SCFD2: variants seen among roughly 807,000 people sequenced by gnomAD.
SCFD2 encodes sec1 family domain-containing protein 2.
SCFD2 carries 54 observed loss-of-function variants against 58.9 expected under a neutral mutation model. The ratio of observed to expected loss-of-function variants is 0.92; its 90% CI spans 0.74 to 1.15. The LOEUF is 1.15. Ranked by LOEUF, SCFD2 falls within the 50% of genes most tolerant of loss-of-function variation. The pLI is 0.00. For missense variants in SCFD2, 805 were observed against 836.6 expected, an observed-to-expected ratio of 0.96 and a Z score of 0.47; for synonymous variants, 321 against 335.9, an observed-to-expected ratio of 0.96 and a Z score of 0.49.
chr4:53,114,376 C>T (rs1345269754), intron 5 of SCFD2, among the ~76,000 whole-genome samples: 1 of 152,102 alleles, frequency 6.6e-6, no homozygotes, highest in African/African-American at 2.4e-5. Flanking sequence ...TTCGCCCCCA[C>T]TGAATGCAAG....
intron 4 of SCFD2, among the ~76,000 whole-genome samples, chr4:53,153,147 T>A (rs987530853): frequency 6.6e-6 from 1 of 152,120 alleles, no homozygotes; most frequent in African/African-American, 2.4e-5. Flanking sequence ...ATCTTGAGAG[T>A]GTCCCAGTGT....
Position 53,287,525 on chromosome 4 carries a change from G to T in SCFD2, c.1136-13524C>A, listed in dbSNP as rs183092555. On this transcript the variant is annotated intron_variant, in intron 3 of 8. Transcript: ENST00000401642. ...GAAGCTACACAGAGAGTCTGTACCC[G>T]CCCAGAACCAGAGTCAATGCACCCT... Among the ~76,000 whole-genome samples the T allele has an allele frequency of 2.6e-5, 4 of 152,042 alleles. No individual in the cohort carries two copies. The East Asian group carries it at 7.7e-4, about 29-fold the overall frequency.
At chr4:52,987,077 T>C (rs1441934961) in intron 5 of SCFD2, among the ~76,000 whole-genome samples, 1 of 152,190 alleles carries the variant, frequency 6.6e-6, no homozygotes, top group Non-Finnish European at 1.5e-5. Flanking sequence ...TCGCCCAGGC[T>C]GGAGTGCAGT....
intron 5 of SCFD2, among the ~76,000 whole-genome samples, chr4:52,990,285 G>C (rs746943473): frequency 6.6e-6 from 1 of 152,112 alleles, no homozygotes; most frequent in Non-Finnish European, 1.5e-5. Context: ...AATATATAAG[G>C]CTCTGAATGA....
chr4:53,269,983 G>A (rs1162825820), intron 4 of SCFD2, among the ~76,000 whole-genome samples: 6 of 152,086 alleles, frequency 3.9e-5, no homozygotes, highest in Admixed American at 6.6e-5. Flanking sequence ...CTGAGATCAC[G>A]CCACTGCACT....
At chr4:53,313,980 A>G (rs535803776) in intron 2 of SCFD2, among the ~76,000 whole-genome samples, 59 of 152,336 alleles carry the variant, frequency 3.9e-4, no homozygotes, top group South Asian at 1.5e-3. Context: ...AGTGAAAAAA[A>G]GGGAAGAAAA....
intron 2 of SCFD2, among the ~76,000 whole-genome samples, chr4:53,344,561 G>C (rs1400222281): frequency 6.6e-6 from 1 of 151,666 alleles, no homozygotes; most frequent in Non-Finnish European, 1.5e-5. Flanking sequence ...TCCCCATCAA[G>C]CTACCAATGA....
intron 6 of SCFD2, among the ~76,000 whole-genome samples, chr4:52,909,451 C>G (rs1165102488): frequency 6.6e-6 from 1 of 152,086 alleles, no homozygotes; most frequent in East Asian, 1.9e-4. Flanking sequence ...GATGGGTTAG[C>G]ATTTGTGTAA....
intron 5 of SCFD2, among the ~76,000 whole-genome samples, chr4:52,982,614 C>T (rs1359980012): frequency 1.3e-5 from 2 of 152,112 alleles, no homozygotes; most frequent in South Asian, 2.1e-4. Flanking sequence ...GTTATTTATC[C>T]AATCTCTAAA....
At chr4:52,889,493 C>G (rs1210467788) in intron 7 of SCFD2, among the ~76,000 whole-genome samples, 1 of 152,216 alleles carries the variant, frequency 6.6e-6, no homozygotes, top group Non-Finnish European at 1.5e-5. Context: ...AAAGTTCGAA[C>G]TCTGTATTTC....
At chr4:53,303,100 T>G (rs181941439) in intron 3 of SCFD2, among the ~76,000 whole-genome samples, 240 of 152,206 alleles carry the variant, frequency 1.6e-3, no homozygotes, top group South Asian at 2.9e-3. Flanking sequence ...AATAGACAAA[T>G]GGAATCTACT....
chr4:53,308,478 C>G (rs1204038566), intron 3 of SCFD2, among the ~76,000 whole-genome samples: 1 of 152,124 alleles, frequency 6.6e-6, no homozygotes, highest in Non-Finnish European at 1.5e-5. Flanking sequence ...CACTCTTTCT[C>G]CTCCCATCCC....
intron 5 of SCFD2, chr4:52,948,183 G>A (rs944599805): frequency 1.5e-5 from 3 of 205,016 alleles, no homozygotes; most frequent in Admixed American, 5.4e-5. Context: ...GGGATTAAAC[G>A]AGATAAAGGC....
intron 3 of SCFD2, among the ~76,000 whole-genome samples, chr4:53,295,861 T>G (rs183069289): frequency 6.6e-6 from 1 of 152,348 alleles, no homozygotes; most frequent in African/African-American, 2.4e-5. Context: ...TGTTGAATTT[T>G]GTCAAAGGTG....
chr4:53,164,801 A>G (rs866186569), intron 4 of SCFD2, among the ~76,000 whole-genome samples: 5 of 150,538 alleles, frequency 3.3e-5, no homozygotes, highest in African/African-American at 1.2e-4. Flanking sequence ...AAAAAAAAAA[A>G]AAAAAGAAGA....
At chr4:53,080,477 G>A (rs1204647856) in intron 5 of SCFD2, among the ~76,000 whole-genome samples, 1 of 152,140 alleles carries the variant, frequency 6.6e-6, no homozygotes, top group Non-Finnish European at 1.5e-5. Flanking sequence ...AAAGTTTGAA[G>A]TGAAAATAAC....
At chr4:53,016,161 C>T (rs1210280376) in intron 5 of SCFD2, among the ~76,000 whole-genome samples, 1 of 152,148 alleles carries the variant, frequency 6.6e-6, no homozygotes, top group Non-Finnish European at 1.5e-5. Context: ...TAAAAACCCT[C>T]ACAAAATAAA....
At chr4:53,338,353 A>T (rs2149142147) in intron 2 of SCFD2, among the ~76,000 whole-genome samples, 1 of 152,274 alleles carries the variant, frequency 6.6e-6, no homozygotes, top group East Asian at 1.9e-4. Context: ...TGCAAGTCAT[A>T]AACCTACAGA....
chr4:53,185,960 G>C (rs1295617861), intron 4 of SCFD2, among the ~76,000 whole-genome samples: 1 of 152,070 alleles, frequency 6.6e-6, no homozygotes, highest in Non-Finnish European at 1.5e-5. Context: ...AAAAATCAAA[G>C]GGATATTCTG....
Sources: gnomAD v4.1 joint callset for allele counts (sites outside exome capture counted in the v4.1 genomes callset) on GRCh38, gnomAD v4.1.1 for gene constraint, MANE v1.5 for transcripts, NCBI Gene and HGNC (gene_info 2026-07-23, HGNC 2026-07-21) for gene names.